The following ERI1 variants were observed in gnomAD, a reference collection of about 807,000 sequenced individuals.
ERI1 encodes 3'-5' exoribonuclease 1.
ERI1 carries 39 observed loss-of-function variants against 39.7 expected under a neutral mutation model. That is an observed-to-expected ratio of 0.98 (90% CI 0.76 to 1.28). The LOEUF (loss-of-function observed/expected upper bound fraction) is 1.28. Among genes scored for constraint, ERI1 ranks in the 50% most tolerant of loss-of-function variants. ERI1 has a pLI of 0.00. For missense variants in ERI1, 581 were observed against 416.9 expected, an observed-to-expected ratio of 1.39 and a Z score of -3.43; for synonymous variants, 204 against 149.6, an observed-to-expected ratio of 1.36 and a Z score of -2.65.
At chr8:9,016,161 TAAG>T (rs1211283816) in intron 3 of ERI1, among the ~76,000 whole-genome samples, 158 bp from the exon 4 acceptor site, 1 of 152,226 alleles carries the variant, frequency 6.6e-6, no homozygotes, top group African/African-American at 2.4e-5. Context: ...ATTTAAAAAT[TAAG>T]AGTGCTTTCG....
At chr8:9,012,413 C>G (rs1816765684) in intron 3 of ERI1, among the ~76,000 whole-genome samples, 1 of 152,204 alleles carries the variant, frequency 6.6e-6, no homozygotes, top group Non-Finnish European at 1.5e-5. Context: ...ATCCTAACAT[C>G]TCAACTTTCC....
At chr8:9,067,217 A>T (rs1419344796) in intron 3 of ERI1, among the ~76,000 whole-genome samples, 1 of 152,206 alleles carries the variant, frequency 6.6e-6, no homozygotes, top group East Asian at 1.9e-4. Context: ...ATACACATGA[A>T]GTATGTTATA....
intron 3 of ERI1, among the ~76,000 whole-genome samples, chr8:9,012,062 C>G (rs1413932904): frequency 1.3e-5 from 2 of 152,182 alleles, no homozygotes; most frequent in Admixed American, 6.5e-5. Flanking sequence ...ATACTGATGC[C>G]TGGCCCTAGT....
chr8:9,019,821 G>C lies in ERI1; in HGVS notation c.693-529G>C, dbSNP rs535268482. 4.6e-5 allele frequency among the ~76,000 whole-genome samples: 7 copies of C among 152,096 alleles called. No individual in the cohort carries two copies. The East Asian group carries it at 1.4e-3, about 29-fold the overall frequency. On this transcript the variant is annotated intron_variant, in intron 5 of 6. Coordinates refer to ENST00000250263, the MANE Select transcript of ERI1 (RefSeq NM_153332.4). ...TTATAATTTCCACTGCTATTATTCTGACTCTCCTTGCCTAAGAAAAACCAC... is the reference window on the plus strand; with the variant it reads ...TTATAATTTCCACTGCTATTATTCTCACTCTCCTTGCCTAAGAAAAACCAC...
chr8:9,004,795 C>A (rs955387702), intron 1 of ERI1, among the ~76,000 whole-genome samples: 23 of 146,746 alleles, frequency 1.6e-4, no homozygotes, highest in African/African-American at 5.5e-4. Context: ...TCAAGTGATT[C>A]TCGTGCCTCA....
intron 3 of ERI1, among the ~76,000 whole-genome samples, chr8:9,098,447 C>T (rs927230182): frequency 6.6e-5 from 10 of 152,066 alleles, no homozygotes; most frequent in African/African-American, 1.9e-4. Flanking sequence ...GAACCCGGGA[C>T]GCAGAGGTTG....
In ERI1 at chr8:9,044,140, G is replaced by C. The variant is rs529095370; in HGVS notation, n.299+23676G>C. ...TAAATAGGATATCATCTGAATTATG[G>C]GTAGTGAATTACAGCTGATTTAGCG... On this transcript the variant is annotated intron_variant and non_coding_transcript_variant, in intron 3 of 3. Transcript: ENST00000518663. Among the ~76,000 whole-genome samples, 3 of 152,228 alleles carry C rather than the reference G, an allele frequency of 2.0e-5. No individual in the cohort carries two copies. In the East Asian group the frequency reaches 5.8e-4, roughly 29 times the overall value.
chr8:9,058,001 T>C (rs1257074870), intron 3 of ERI1, among the ~76,000 whole-genome samples: 3 of 152,124 alleles, frequency 2.0e-5, no homozygotes, highest in African/African-American at 4.8e-5. Flanking sequence ...TTGCAAGCAT[T>C]TGGGCTTTCC....
At chr8:9,087,936 A>G (rs1369972049) in intron 3 of ERI1, among the ~76,000 whole-genome samples, 1 of 152,242 alleles carries the variant, frequency 6.6e-6, no homozygotes, top group Non-Finnish European at 1.5e-5. Context: ...TTCAGTACAA[A>G]TAAGGAAAAT....
chr8:9,036,869 G>A (rs1397787059), downstream of ERI1, among the ~76,000 whole-genome samples: 1 of 152,104 alleles, frequency 6.6e-6, no homozygotes, highest in African/African-American at 2.4e-5. Context: ...ACATAGACCT[G>A]TTTTCCCTTT....
intron 3 of ERI1, among the ~76,000 whole-genome samples, chr8:9,063,852 G>C (rs1585274809): frequency 6.6e-6 from 1 of 152,208 alleles, no homozygotes; most frequent in Non-Finnish European, 1.5e-5. Context: ...TTAGGTTTTA[G>C]GTCAGGTGTA....
At chr8:9,079,154 A>G (rs1482316229) in intron 3 of ERI1, among the ~76,000 whole-genome samples, 1 of 152,224 alleles carries the variant, frequency 6.6e-6, no homozygotes, top group African/African-American at 2.4e-5. Context: ...AATATGAGAA[A>G]GAAATGACAC....
intron 3 of ERI1, among the ~76,000 whole-genome samples, chr8:9,042,887 C>T (rs1798067953): frequency 6.6e-6 from 1 of 152,220 alleles, no homozygotes; most frequent in Non-Finnish European, 1.5e-5. Flanking sequence ...GCTCAACCTA[C>T]ACGTGCACCT....
chr8:9,048,893 C>G (rs933233371), intron 3 of ERI1, among the ~76,000 whole-genome samples: 7 of 151,978 alleles, frequency 4.6e-5, no homozygotes, highest in African/African-American at 1.7e-4. Flanking sequence ...AAATCCTCTC[C>G]CCTCAGCCTC....
rs920180306 is a variant in ERI1, at chr8:9,066,099, C to A, written n.299+45635C>A. ...TCTATCTGCAGTGCCCTGTTTGCCA[C>A]CAGGGGCTCTAGCTTCTTCATTCAT... On this transcript the variant is annotated intron_variant and non_coding_transcript_variant, in intron 3 of 3. Coordinates refer to the ERI1 transcript ENST00000518663. 3.9e-5 allele frequency among the ~76,000 whole-genome samples: 6 copies of A among 152,170 alleles called. No homozygotes were observed. In the East Asian group the frequency reaches 1.2e-3, roughly 29 times the overall value.
chr8:9,018,818 C>T (rs554017744), intron 5 of ERI1, among the ~76,000 whole-genome samples: 1 of 152,196 alleles, frequency 6.6e-6, no homozygotes, highest in African/African-American at 2.4e-5. Context: ...TACCCTTTCT[C>T]TGTGTAGTTA....
chr8:9,023,793 CTTTTTTTTTT>C (rs3083379), intron 6 of ERI1, among the ~76,000 whole-genome samples: 6 of 80,546 alleles, frequency 7.4e-5, no homozygotes, highest in East Asian at 4.2e-4. Flanking sequence ...GTAAAAATGA[CTTTTTTTTTT>C]TTTTTTTTTT....
intron 3 of ERI1, among the ~76,000 whole-genome samples, chr8:9,048,875 G>A (rs999028170): frequency 6.6e-6 from 1 of 151,702 alleles, no homozygotes. Context: ...TGAACTCCTG[G>A]GCTCAAAAAA....
chr8:9,061,099 G>C (rs368280486), intron 3 of ERI1, among the ~76,000 whole-genome samples: 24 of 152,310 alleles, frequency 1.6e-4, no homozygotes, highest in African/African-American at 5.1e-4. Context: ...GAGGGGAGCG[G>C]AGCGGTAGCC....
Sources: allele counts gnomAD v4.1 joint callset (sites outside exome capture counted in the v4.1 genomes callset), GRCh38; gene constraint gnomAD v4.1.1; transcripts MANE v1.5; gene names NCBI Gene and HGNC (gene_info 2026-07-23, HGNC 2026-07-21).